BNC2: variants seen among roughly 807,000 people sequenced by gnomAD.
BNC2 encodes zinc finger protein basonuclin-2.
Under a neutral mutation model 76.3 loss-of-function variants are expected in BNC2, and 20 were observed. The ratio of observed to expected loss-of-function variants is 0.26; its 90% CI spans 0.18 to 0.38. The LOEUF is 0.38. Ranked by LOEUF, BNC2 falls within the 10% of genes least tolerant of loss-of-function variation. BNC2 has a pLI of 1.00. For missense variants in BNC2, 1,382 were observed against 1,399.8 expected, an observed-to-expected ratio of 0.99 and a Z score of 0.20; for synonymous variants, 582 against 514.8, an observed-to-expected ratio of 1.13 and a Z score of -1.77.
At chr9:16,533,526 A>G (rs1015892619) in intron 5 of BNC2, among the ~76,000 whole-genome samples, 11 of 152,204 alleles carry the variant, frequency 7.2e-5, no homozygotes, top group African/African-American at 2.7e-4. Flanking sequence ...ATTTAGGGAT[A>G]AGTTACTTTT....
intron 1 of BNC2, among the ~76,000 whole-genome samples, chr9:16,785,065 C>T (rs1187133209): frequency 6.6e-6 from 1 of 152,200 alleles, no homozygotes; most frequent in Admixed American, 6.5e-5. Context: ...TTTATAAAGA[C>T]AGCTTCCAGT....
intron 1 of BNC2, among the ~76,000 whole-genome samples, chr9:16,771,019 A>T (rs1825819324): frequency 6.6e-6 from 1 of 152,118 alleles, no homozygotes; most frequent in South Asian, 2.1e-4. Flanking sequence ...AAAATACAAA[A>T]TTAGCTGAGC....
At chr9:16,800,559 CT>C (rs540689632) in intron 1 of BNC2, among the ~76,000 whole-genome samples, 5 of 149,360 alleles carry the variant, frequency 3.3e-5, no homozygotes, top group Admixed American at 6.7e-5. Flanking sequence ...CACTGGAACT[CT>C]TTTTTTTTTC....
At chr9:16,790,301 A>T (rs1469986634) in intron 1 of BNC2, among the ~76,000 whole-genome samples, 2 of 152,204 alleles carry the variant, frequency 1.3e-5, no homozygotes, top group Non-Finnish European at 2.9e-5. Flanking sequence ...CTGGCCATGA[A>T]ATGATTTTAA....
chr9:16,484,685 G>GA (rs1822124435), intron 5 of BNC2, among the ~76,000 whole-genome samples: 2 of 152,180 alleles, frequency 1.3e-5, no homozygotes, highest in South Asian at 2.1e-4. Flanking sequence ...AGAAATTTCT[G>GA]AAGGACAGCC....
At chr9:16,862,974 G>C (rs1819449746) in intron 1 of BNC2, among the ~76,000 whole-genome samples, 1 of 151,460 alleles carries the variant, frequency 6.6e-6, no homozygotes, top group Non-Finnish European at 1.5e-5. Context: ...GAGTGCAGTG[G>C]CGAGATCTTG....
intron 5 of BNC2, among the ~76,000 whole-genome samples, chr9:16,535,206 T>C (rs546253931): frequency 3.3e-5 from 5 of 152,296 alleles, no homozygotes; most frequent in East Asian, 1.9e-4. Flanking sequence ...TTTTAAAAGA[T>C]GGGAGAAAAC....
At position 16,588,121 on chromosome 9, in the gene BNC2, T is replaced by C. The variant is rs72702123; in HGVS notation, c.331-5036A>G. Among the ~76,000 whole-genome samples, 145 of 152,268 alleles carry C rather than the reference T, an allele frequency of 9.5e-4. 3 individuals carry two copies. In the East Asian group the frequency reaches 0.016, roughly 17 times the overall value. ...GCCCGCTTCCTCATCTGTAAAATGA[T>C]AGTAACAATGACATTGCAACAGTGG... On this transcript the variant is annotated intron_variant, in intron 3 of 6. Coordinates refer to ENST00000380672, the MANE Select transcript of BNC2 (RefSeq NM_017637.6).
chr9:16,575,560 C>CA (rs1392488434), intron 4 of BNC2, among the ~76,000 whole-genome samples: 1 of 152,166 alleles, frequency 6.6e-6, no homozygotes, highest in African/African-American at 2.4e-5. Context: ...AAAAGCTGCT[C>CA]AGAGACACAA....
chr9:16,485,253 T>C (rs1420583645), intron 5 of BNC2, among the ~76,000 whole-genome samples: 1 of 152,168 alleles, frequency 6.6e-6, no homozygotes, highest in South Asian at 2.1e-4. Flanking sequence ...TTGTTCTGAA[T>C]TGGAAAAAGA....
chr9:16,525,657 T>C (rs1817776873), intron 5 of BNC2, among the ~76,000 whole-genome samples: 1 of 152,192 alleles, frequency 6.6e-6, no homozygotes, highest in African/African-American at 2.4e-5. Context: ...ATCCATACAA[T>C]GCAGCTGTTA....
intron 5 of BNC2, among the ~76,000 whole-genome samples, chr9:16,477,571 T>C (rs931063093): frequency 6.6e-6 from 1 of 152,240 alleles, no homozygotes; most frequent in Non-Finnish European, 1.5e-5. Flanking sequence ...TAGCTATTTC[T>C]TCTTGCTGAA....
intron 3 of BNC2, among the ~76,000 whole-genome samples, chr9:16,644,259 C>G (rs1314671726): frequency 6.6e-6 from 1 of 152,152 alleles, no homozygotes; most frequent in Non-Finnish European, 1.5e-5. Flanking sequence ...TCTAGAATAA[C>G]CTTAGGTGGC....
chr9:16,644,638 G>C (rs914538471), intron 3 of BNC2, among the ~76,000 whole-genome samples: 1 of 152,096 alleles, frequency 6.6e-6, no homozygotes, highest in Non-Finnish European at 1.5e-5. Flanking sequence ...TCATAACAAA[G>C]ATGAAAGGAA....
chr9:16,679,825 C>CA (rs1410787518), intron 3 of BNC2, among the ~76,000 whole-genome samples: 2 of 152,366 alleles, frequency 1.3e-5, no homozygotes, highest in Non-Finnish European at 2.9e-5. Context: ...TGGCTCCTGC[C>CA]AGAGGAGTTC....
intron 4 of BNC2, among the ~76,000 whole-genome samples, chr9:16,564,159 G>A (rs1443818168): frequency 6.6e-6 from 1 of 152,166 alleles, no homozygotes; most frequent in Non-Finnish European, 1.5e-5. Context: ...TTGTCTTCCA[G>A]ATTAAAGACA....
At chr9:16,664,768 G>C (rs1057096824) in intron 3 of BNC2, among the ~76,000 whole-genome samples, 3 of 151,890 alleles carry the variant, frequency 2.0e-5, no homozygotes, top group African/African-American at 4.8e-5. Context: ...CCAATAAGGA[G>C]AAGGTTTTGT....
At chr9:16,524,109 G>A (rs1817716872) in intron 5 of BNC2, among the ~76,000 whole-genome samples, 1 of 151,256 alleles carries the variant, frequency 6.6e-6, no homozygotes, top group Non-Finnish European at 1.5e-5. Context: ...AGCACTTGGG[G>A]TGAGAACACC....
intron 6 of BNC2, among the ~76,000 whole-genome samples, chr9:16,427,683 T>C (rs900257020): frequency 2.0e-5 from 3 of 152,120 alleles, no homozygotes; most frequent in Admixed American, 2.0e-4. Flanking sequence ...CAAAATCAAA[T>C]CCCAGTCACG....
Sources: gnomAD v4.1 joint callset for allele counts (sites outside exome capture counted in the v4.1 genomes callset) on GRCh38, gnomAD v4.1.1 for gene constraint, MANE v1.5 for transcripts, NCBI Gene and HGNC (gene_info 2026-07-23, HGNC 2026-07-21) for gene names.